Variants in RGS6 observed in about 807,000 individuals in gnomAD.
RGS6 encodes the protein regulator of G protein signaling 6, also known as regulator of G-protein signaling 6.
In RGS6, 30 loss-of-function variants were observed where a neutral mutation model predicts 78.5. The ratio of observed to expected loss-of-function variants is 0.38; its 90% confidence interval spans 0.29 to 0.52. The LOEUF is 0.52. Among genes scored for constraint, RGS6 ranks in the 20% least tolerant of loss-of-function variants. The probability of loss-of-function intolerance (pLI) is 0.85; values close to 1 mark genes in which losing one functional copy is unlikely to be tolerated. For synonymous variants in RGS6, 206 were observed against 206.0 expected (o/e 1.00, Z 0.00); for missense variants, 495 against 609.7 (o/e 0.81, Z 1.98).
intron 2 of RGS6, among the ~76,000 whole-genome samples, chr14:72,343,104 G>T (rs1196092233): frequency 6.6e-6 from 1 of 152,204 alleles, no homozygotes; most frequent in East Asian, 1.9e-4. Context: ...TTCTATTGCT[G>T]CTATAACAAA....
intron 3 of RGS6, among the ~76,000 whole-genome samples, chr14:72,435,001 G>A (rs1566838833): frequency 1.3e-5 from 2 of 152,184 alleles, no homozygotes; most frequent in Non-Finnish European, 2.9e-5. Flanking sequence ...TGATAGCTGA[G>A]TGAGTTCTTT....
At chr14:72,034,432 A>G (rs910625307) in intron 2 of RGS6, among the ~76,000 whole-genome samples, 11 of 149,818 alleles carry the variant, frequency 7.3e-5, no homozygotes, top group Non-Finnish European at 1.5e-5. Context: ...CAATTCAGTC[A>G]TGTGGTTTTT....
Position 72,089,161 on chromosome 14 carries a change from G to A in RGS6, c.84+124286G>A, listed in dbSNP as rs528540437. ...TGACTGGTTCACCCTTCAATTCCTT[G>A]TGCCCACAACAGTGACTGGCACATG... On this transcript the variant is annotated intron_variant, in intron 2 of 17. Coordinates refer to ENST00000553525, the MANE Select transcript of RGS6 (RefSeq NM_001204424.2). 3.3e-5 allele frequency among the ~76,000 whole-genome samples: 5 copies of A among 152,248 alleles called. No homozygotes were observed. In the East Asian group the frequency reaches 9.6e-4, roughly 29 times the overall value.
At chr14:72,506,551 T>C (rs1320066899) in intron 13 of RGS6, among the ~76,000 whole-genome samples, 2 of 152,180 alleles carry the variant, frequency 1.3e-5, no homozygotes, top group Non-Finnish European at 2.9e-5. Context: ...ACAGAAGAGA[T>C]ATGTATAGGG....
intron 17 of RGS6, chr14:72,547,302 G>T: frequency 6.5e-7 from 1 of 1,535,644 alleles, no homozygotes; most frequent in Non-Finnish European, 8.7e-7. Flanking sequence ...TCTGCCTGTG[G>T]TCCAGACTGG....
At chr14:72,052,926 T>TTTCG in intron 2 of RGS6, among the ~76,000 whole-genome samples, 2 of 12,460 alleles carry the variant, frequency 1.6e-4, no homozygotes, top group Admixed American at 1.7e-3. Context: ...TCATTGTATT[T>TTTCG]TTCTTTCTTT....
At chr14:72,356,810 T>G (rs1289472235) in intron 3 of RGS6, among the ~76,000 whole-genome samples, 1 of 152,228 alleles carries the variant, frequency 6.6e-6, no homozygotes, top group Non-Finnish European at 1.5e-5. Context: ...TTGCTTCACT[T>G]TCTGCCATGA....
intron 3 of RGS6, among the ~76,000 whole-genome samples, chr14:72,383,640 G>A (rs1000090869): frequency 6.6e-6 from 1 of 152,106 alleles, no homozygotes; most frequent in South Asian, 2.1e-4. Context: ...TCTTAAGTAG[G>A]ATTGTGAAGG....
the RGS6 span, among the ~76,000 whole-genome samples, chr14:72,574,301 A>C: frequency 1.1e-3 from 165 of 152,302 alleles, no homozygotes; most frequent in African/African-American, 3.7e-3. Flanking sequence ...TCACTCACAC[A>C]GTGTTCTGTG....
chr14:72,534,991 C>G (rs1490329622), intron 15 of RGS6, among the ~76,000 whole-genome samples: 1 of 152,214 alleles, frequency 6.6e-6, no homozygotes, highest in Non-Finnish European at 1.5e-5. Context: ...TGAAGGCCAA[C>G]CTCCCTCCTA....
chr14:72,051,446 A>G (rs896754709), intron 2 of RGS6, among the ~76,000 whole-genome samples: 1 of 152,184 alleles, frequency 6.6e-6, no homozygotes, highest in Admixed American at 6.5e-5. Flanking sequence ...AAAAACTGTT[A>G]GGAGATAAAA....
chr14:72,053,075 C>T (rs187428385), intron 2 of RGS6, among the ~76,000 whole-genome samples: 10 of 12,434 alleles, frequency 8.0e-4, no homozygotes, highest in Admixed American at 2.3e-3. Flanking sequence ...CTCCCTCCCT[C>T]CCTCCCTTCC....
chr14:71,969,080 T>G (rs1387715208), intron 2 of RGS6, among the ~76,000 whole-genome samples: 4 of 152,170 alleles, frequency 2.6e-5, no homozygotes, highest in Admixed American at 2.6e-4. Flanking sequence ...CAGTGTTTGG[T>G]TTTTTGTTCT....
At chr14:72,060,341 T>C (rs528077480) in intron 2 of RGS6, among the ~76,000 whole-genome samples, 1 of 151,040 alleles carries the variant, frequency 6.6e-6, no homozygotes, top group African/African-American at 2.4e-5. Flanking sequence ...TTTTTTAATA[T>C]ATTCTTGTCC....
At chr14:72,303,718 A>C (rs1002610545) in intron 2 of RGS6, among the ~76,000 whole-genome samples, 1 of 152,082 alleles carries the variant, frequency 6.6e-6, no homozygotes, top group Non-Finnish European at 1.5e-5. Flanking sequence ...ATAAAAATCT[A>C]TTATTTGTTT....
chr14:72,179,443 A>C (rs1301707461), intron 2 of RGS6, among the ~76,000 whole-genome samples: 4 of 152,196 alleles, frequency 2.6e-5, no homozygotes, highest in Non-Finnish European at 4.4e-5. Context: ...TTATTAAACT[A>C]ACAGATATTC....
intron 15 of RGS6, among the ~76,000 whole-genome samples, chr14:72,534,007 C>T (rs1404758795): frequency 6.6e-6 from 1 of 152,252 alleles, no homozygotes; most frequent in Non-Finnish European, 1.5e-5. Context: ...AGAAGTTCTA[C>T]TGTAGGTAAA....
intron 2 of RGS6, among the ~76,000 whole-genome samples, chr14:71,981,887 C>T (rs567723160): frequency 5.6e-5 from 8 of 142,476 alleles, no homozygotes; most frequent in African/African-American, 2.0e-4. Flanking sequence ...CCCCCAGCCT[C>T]GTTGCCGCCT....
chr14:72,490,254 GCT>G (rs2153400497), intron 12 of RGS6, among the ~76,000 whole-genome samples: 1 of 152,198 alleles, frequency 6.6e-6, no homozygotes, highest in African/African-American at 2.4e-5. Flanking sequence ...GCACAAGCTC[GCT>G]CTCTTTGCCT....
Sources: allele counts gnomAD v4.1 joint callset (sites outside exome capture counted in the v4.1 genomes callset), GRCh38; gene constraint gnomAD v4.1.1; transcripts MANE v1.5; gene names NCBI Gene and HGNC (gene_info 2026-07-23, HGNC 2026-07-21).